SLC2A10: variants seen among roughly 807,000 people sequenced by gnomAD.
SLC2A10 encodes solute carrier family 2 member 10, also known as solute carrier family 2, facilitated glucose transporter member 10.
A neutral mutation model predicts 32.1 loss-of-function variants in SLC2A10; 25 were observed. That is an observed-to-expected ratio of 0.78 (90% CI 0.57 to 1.09). SLC2A10 has a LOEUF of 1.09. SLC2A10 is among the 50% of genes least tolerant of loss of function. The probability of loss-of-function intolerance (pLI) is 0.00; values close to 1 mark genes in which losing one functional copy is unlikely to be tolerated. For synonymous variants in SLC2A10, 332 were observed against 309.6 expected (o/e 1.07, Z -0.76); for missense variants, 673 against 686.5 (o/e 0.98, Z 0.22).
chr20:46,713,821 G>C (rs1979068513), intron 1 of SLC2A10, among the ~76,000 whole-genome samples: 1 of 152,190 alleles, frequency 6.6e-6, no homozygotes, highest in African/African-American at 2.4e-5. Context: ...GGCAGGGCTG[G>C]GGCCCCGGAG....
Position 46,725,269 on chromosome 20 carries a change from T to C in SLC2A10, c.233T>C (p.Ile78Thr), listed in dbSNP as rs1440303229. ...GACTGCTATGGCAGGAAGCAAGCCA[T>C]CCTCGGGAGCAACTTGGTGCTGCTG... ...LIDCYGRKQA[I>T]LGSNLVLLAG... Residue 78 changes from isoleucine to threonine, a missense_variant, in exon 2 of 5, where the codon ATC (isoleucine) becomes ACC (threonine). Coordinates refer to ENST00000359271, the MANE Select transcript of SLC2A10 (RefSeq NM_030777.4). The C allele has an allele frequency of 6.2e-7, 1 of 1,614,180 alleles. No individual in the cohort carries two copies. The highest frequency in any genetic ancestry group is 8.5e-7 in the Non-Finnish European group (1 of 1,180,046).
chr20:46,732,366 T>A (rs1370587689), intron 4 of SLC2A10, among the ~76,000 whole-genome samples: 1 of 152,194 alleles, frequency 6.6e-6, no homozygotes, highest in Non-Finnish European at 1.5e-5. Flanking sequence ...CAGCAAATAT[T>A]TTCAAGTGCC....
intron 1 of SLC2A10, among the ~76,000 whole-genome samples, chr20:46,713,155 T>C (rs78121795): frequency 0.054 from 8,283 of 152,256 alleles, 330 homozygotes; most frequent in African/African-American, 0.093. Flanking sequence ...GCTGAGTAAC[T>C]GTCCTTGGCC....
intron 1 of SLC2A10, among the ~76,000 whole-genome samples, chr20:46,724,347 G>A (rs1672359078): frequency 6.6e-6 from 1 of 152,170 alleles, no homozygotes; most frequent in Admixed American, 6.5e-5. Flanking sequence ...ATGGATGGAT[G>A]GACTGATGTG....
intron 4 of SLC2A10, among the ~76,000 whole-genome samples, chr20:46,730,874 T>G (rs1980259997): frequency 6.6e-6 from 1 of 152,210 alleles, no homozygotes; most frequent in Non-Finnish European, 1.5e-5. Flanking sequence ...AGCTCCTGAC[T>G]GCCCATTCTG....
intron 2 of SLC2A10, 137 bp downstream of exon 2, chr20:46,726,461 C>T: frequency 7.8e-7 from 1 of 1,289,658 alleles, no homozygotes. Context: ...GCCTCAGGGC[C>T]CCTCACTTAC....
intron 1 of SLC2A10, among the ~76,000 whole-genome samples, chr20:46,722,561 A>G (rs1979618487): frequency 6.6e-6 from 1 of 152,238 alleles, no homozygotes; most frequent in Non-Finnish European, 1.5e-5. Flanking sequence ...AACTTACTGT[A>G]GAACAACTTG....
intron 4 of SLC2A10, 27 bp from the exon 5 acceptor site, chr20:46,733,727 CCT>C: frequency 6.2e-7 from 1 of 1,607,778 alleles, no homozygotes; most frequent in Non-Finnish European, 8.5e-7. Flanking sequence ...CCTGCCACCC[CCT>C]GATCCCACGC....
chr20:46,733,633 A>T, intron 4 of SLC2A10, 123 bp from the exon 5 acceptor site: 1 of 787,186 alleles, frequency 1.3e-6, no homozygotes, highest in Non-Finnish European at 2.3e-6. Context: ...GGCAGGAGGC[A>T]GGAAGGGTCA....
At chr20:46,721,051 CAG>C (rs1418190122) in intron 1 of SLC2A10, among the ~76,000 whole-genome samples, 4 of 152,116 alleles carry the variant, frequency 2.6e-5, no homozygotes. Context: ...TTCCATGTGA[CAG>C]TGTAGCCAGA....
Position 46,725,191 on chromosome 20 carries a change from G to A in SLC2A10, c.155G>A (p.Gly52Asp). 6.2e-7 allele frequency: 1 copy of A among 1,614,176 alleles called. No individual in the cohort carries two copies. Among genetic ancestry groups the A allele is most frequent in the South Asian group, 1.1e-5 (1 of 91,086 alleles). The change falls in exon 2 of 5, where the codon GGC becomes GAC. Residue 52 changes from glycine (G) to aspartate (D), a missense_variant. By Grantham distance (94) the Gly-to-Asp change is moderately conservative (BLOSUM62 -1). Coordinates refer to ENST00000359271, the MANE Select transcript of SLC2A10 (RefSeq NM_030777.4). Reference sequence around the variant, plus strand: ...TGCTTGGAGCAGGAGTTCCTGGTGGGCAGCCTGCTCCTGGGGGCTCTCCTC... The same window carrying A: ...TGCTTGGAGCAGGAGTTCCTGGTGGACAGCCTGCTCCTGGGGGCTCTCCTC... ...LSCLEQEFLV[G>D]SLLLGALLAS...
At chr20:46,719,674 T>C (rs561904247) in intron 1 of SLC2A10, among the ~76,000 whole-genome samples, 1 of 152,204 alleles carries the variant, frequency 6.6e-6, no homozygotes, top group South Asian at 2.1e-4. Flanking sequence ...TAAGATGAGA[T>C]TTGGGTGGGG....
chr20:46,709,433 C>G, upstream of SLC2A10: 1 of 428,212 alleles, frequency 2.3e-6, no homozygotes, highest in South Asian at 4.7e-5. Flanking sequence ...GGACTACCAA[C>G]GAAGGGGACC....
Position 46,726,199 on chromosome 20 carries a change from G to C in SLC2A10, c.1163G>C (p.Arg388Pro). 1 of 1,614,158 alleles carries C rather than the reference G, an allele frequency of 6.2e-7. No homozygotes were observed. Among genetic ancestry groups the C allele is most frequent in the Non-Finnish European group, 8.5e-7 (1 of 1,180,036 alleles). Residue 388 changes from arginine to proline, a missense_variant, in exon 2 of 5, where the codon CGG (arginine) becomes CCG (proline). By Grantham distance (103) the Arg-to-Pro change is moderately radical. Transcript: ENST00000359271. ...PRSGDPSAPPRLALSSALPGP... is the reference protein window; with the variant it reads ...PRSGDPSAPPPLALSSALPGP... ...TCTGGAGACCCCTCAGCCCCTCCTC[G>C]GCTGGCCCTGAGCTCTGCCCTCCCT...
At chr20:46,719,106 C>T (rs2123022275) in intron 1 of SLC2A10, among the ~76,000 whole-genome samples, 1 of 151,950 alleles carries the variant, frequency 6.6e-6, no homozygotes. Flanking sequence ...TAAGTTTCTC[C>T]ATGTATATTT....
chr20:46,734,165 C>A lies in SLC2A10; in HGVS notation c.*331C>A. The A allele has an allele frequency of 2.5e-6, 1 of 403,810 alleles. No individual in the cohort carries two copies. 25.0% of individuals were successfully genotyped at this position (403,810 alleles called of 1,614,324 possible). A position where few individuals can be genotyped will look rare whatever the true frequency, so the allele number is the denominator to read the frequency against. On this transcript the variant is annotated 3_prime_UTR_variant, in exon 5 of 5. Transcript: ENST00000359271. The stretch of plus-strand genomic sequence containing the variant: ...CTTTTCTCAAAGAATCTCAAGGGTA[C>A]CAATCCTGGCAGGAAGTCTCTCCCG...
At chr20:46,709,779 C>T (rs1978799143) in intron 1 of SLC2A10, 39 bp downstream of exon 1, 9 of 1,546,854 alleles carry the variant, frequency 5.8e-6, no homozygotes, top group Non-Finnish European at 7.9e-6. Context: ...GAAGCCCGAC[C>T]CCTTCCCAGG....
intron 1 of SLC2A10, among the ~76,000 whole-genome samples, chr20:46,718,084 A>G (rs1195331626): frequency 5.3e-5 from 8 of 152,064 alleles, no homozygotes; most frequent in African/African-American, 1.9e-4. Context: ...TTAGCCTGGC[A>G]TGGTGGTGCA....
intron 1 of SLC2A10, 61 bp downstream of exon 1, chr20:46,709,801 G>A: frequency 1.3e-6 from 2 of 1,537,508 alleles, no homozygotes; most frequent in African/African-American, 1.4e-5. Flanking sequence ...TGTAGACACC[G>A]CCCCCACGCT....
Sources: gnomAD v4.1 joint callset for allele counts (sites outside exome capture counted in the v4.1 genomes callset) on GRCh38, gnomAD v4.1.1 for gene constraint, MANE v1.5 for transcripts, NCBI Gene and HGNC (gene_info 2026-07-23, HGNC 2026-07-21) for gene names.